Variants in CSMD3 observed in about 807,000 individuals in gnomAD.
The protein encoded by CSMD3 is CUB and Sushi multiple domains 3, also known as CUB and sushi domain-containing protein 3.
A neutral mutation model predicts 435.2 loss-of-function variants in CSMD3; 177 were observed. The observed-to-expected ratio is 0.41, with a 90% CI of 0.36 to 0.46. The LOEUF (loss-of-function observed/expected upper bound fraction) is 0.46, where lower values mean the gene tolerates loss of function less well. Among genes scored for constraint, CSMD3 ranks in the 20% least tolerant of loss-of-function variants. CSMD3 has a pLI of 0.34. For missense variants in CSMD3, 4,265 were observed against 4,504.6 expected (o/e 0.95, Z 1.52); for synonymous variants, 1,656 against 1,520.5 (o/e 1.09, Z -2.07).
intron 31 of CSMD3, among the ~76,000 whole-genome samples, chr8:112,488,978 CT>C (rs1208711442): frequency 6.6e-6 from 1 of 151,854 alleles, no homozygotes; most frequent in African/African-American, 2.4e-5. Context: ...ATATGAGCTA[CT>C]TTTTTATTAT....
intron 3 of CSMD3, among the ~76,000 whole-genome samples, chr8:113,225,283 T>C (rs1354593597): frequency 4.0e-5 from 6 of 151,498 alleles, no homozygotes; most frequent in Non-Finnish European, 7.4e-5. Context: ...TGCACCGTCC[T>C]GAAAATATCC....
At chr8:112,679,063 G>A (rs1011366069) in intron 16 of CSMD3, among the ~76,000 whole-genome samples, 4 of 148,628 alleles carry the variant, frequency 2.7e-5, no homozygotes, top group Non-Finnish European at 5.9e-5. Flanking sequence ...GAAGTTTCAG[G>A]AATGGTGGGG....
intron 53 of CSMD3, among the ~76,000 whole-genome samples, chr8:112,300,916 A>T (rs1485893554): frequency 2.6e-5 from 4 of 152,180 alleles, no homozygotes; most frequent in Non-Finnish European, 5.9e-5. Flanking sequence ...CTTAAACAGT[A>T]ATATTTTAAA....
At chr8:112,690,894 TA>T (rs922231214) in intron 13 of CSMD3, among the ~76,000 whole-genome samples, 4 of 151,772 alleles carry the variant, frequency 2.6e-5, no homozygotes, top group Non-Finnish European at 4.4e-5. Context: ...AAATACAAAT[TA>T]AAAAAATGTA....
At chr8:112,278,879 A>G (rs1818342587) in intron 59 of CSMD3, among the ~76,000 whole-genome samples, 1 of 152,112 alleles carries the variant, frequency 6.6e-6, no homozygotes, top group African/African-American at 2.4e-5. Flanking sequence ...ACCCAATAAC[A>G]ACTGCCCTGT....
intron 27 of CSMD3, chr8:112,539,346 T>G (rs946256742): frequency 1.1e-4 from 17 of 152,110 alleles, no homozygotes; most frequent in African/African-American, 3.9e-4. Flanking sequence ...TTAGTAAAAC[T>G]TGCCAGAGTT....
intron 23 of CSMD3, among the ~76,000 whole-genome samples, chr8:112,585,201 T>C (rs1830629845): frequency 6.6e-6 from 1 of 151,570 alleles, no homozygotes; most frequent in Non-Finnish European, 1.5e-5. Flanking sequence ...AGAATAAATC[T>C]CAGGCAAGCC....
intron 1 of CSMD3, among the ~76,000 whole-genome samples, chr8:113,350,734 C>A (rs2094184602): frequency 6.6e-6 from 1 of 152,036 alleles, no homozygotes; most frequent in South Asian, 2.1e-4. Flanking sequence ...TCACAGCCTA[C>A]CTAATATTCT....
intron 13 of CSMD3, among the ~76,000 whole-genome samples, chr8:112,772,089 T>C (rs1363345678): frequency 6.6e-6 from 1 of 151,722 alleles, no homozygotes; most frequent in East Asian, 1.9e-4. Context: ...AATGACAAAG[T>C]CATATCAGAA....
intron 38 of CSMD3, among the ~76,000 whole-genome samples, chr8:112,361,211 C>T (rs528810038): frequency 4.6e-5 from 7 of 151,764 alleles, no homozygotes; most frequent in Non-Finnish European, 7.4e-5. Context: ...ATGCCGTTGG[C>T]AACCAAAGCT....
chr8:113,130,974 A>C (rs143813191), intron 4 of CSMD3, among the ~76,000 whole-genome samples: 1 of 152,110 alleles, frequency 6.6e-6, no homozygotes, highest in Non-Finnish European at 1.5e-5. Context: ...AATTTGAGAG[A>C]GATGTTTTAG....
chr8:113,182,345 T>C (rs193260252), intron 3 of CSMD3, among the ~76,000 whole-genome samples: 12 of 152,036 alleles, frequency 7.9e-5, no homozygotes, highest in African/African-American at 2.9e-4. Context: ...ATGTCCAAGA[T>C]GTAGTCAAGA....
In CSMD3 at chr8:112,807,243, T is replaced by G. The variant is rs1395616147; in HGVS notation, c.1860-6969A>C. The stretch of plus-strand genomic sequence containing the variant: ...CAAGCCCTGAAATAAATACCTTGTC[T>G]GGGAAATCTGCTGGGCCTCATGTTA... On this transcript the variant is annotated intron_variant, in intron 12 of 70. Coordinates refer to ENST00000297405, the MANE Select transcript of CSMD3 (RefSeq NM_198123.2). 3.3e-5 allele frequency among the ~76,000 whole-genome samples: 5 copies of G among 152,182 alleles called. No homozygotes were observed. The South Asian group carries it at 1.0e-3, about 32-fold the overall frequency.
At chr8:112,900,430 T>C (rs910018802) in intron 10 of CSMD3, among the ~76,000 whole-genome samples, 2 of 151,204 alleles carry the variant, frequency 1.3e-5, no homozygotes, top group African/African-American at 4.8e-5. Flanking sequence ...ATAAAATATT[T>C]GAGTCCTCTA....
chr8:112,821,079 G>A (rs2079517888), intron 12 of CSMD3, among the ~76,000 whole-genome samples: 1 of 152,116 alleles, frequency 6.6e-6, no homozygotes, highest in Non-Finnish European at 1.5e-5. Context: ...TTGGTTCTGT[G>A]TCTTTGCTAT....
intron 9 of CSMD3, among the ~76,000 whole-genome samples, chr8:112,935,153 G>A (rs2083241505): frequency 6.6e-6 from 1 of 152,048 alleles, no homozygotes; most frequent in African/African-American, 2.4e-5. Context: ...ATTGAAGAAA[G>A]TGTCCTTTTC....
At chr8:112,421,311 G>C (rs1812470516) in intron 32 of CSMD3, among the ~76,000 whole-genome samples, 1 of 151,844 alleles carries the variant, frequency 6.6e-6, no homozygotes, top group African/African-American at 2.4e-5. Flanking sequence ...GAGAGGCCTA[G>C]GTGGGAGGAT....
chr8:113,238,694 A>C (rs1382925892), intron 3 of CSMD3, among the ~76,000 whole-genome samples: 1 of 152,176 alleles, frequency 6.6e-6, no homozygotes, highest in Non-Finnish European at 1.5e-5. Context: ...TCAATTTGCA[A>C]AACTATGCCA....
Position 113,314,617 on chromosome 8 carries a change from A to C in CSMD3, c.355T>G (p.Leu119Val). Reference sequence around the variant, plus strand: ...TGAGGATGTCCATCATATAATGATAAGTAGTCGTATTCTTCTTCTAGAGCA... The same window carrying C: ...TGAGGATGTCCATCATATAATGATACGTAGTCGTATTCTTCTTCTAGAGCA... ...SFALEEEYDY[L>V]SLYDGHPHPT... Residue 119 changes from leucine to valine, a missense_variant, in exon 2 of 71, where the codon TTA becomes GTA. By Grantham distance (32) the Leu-to-Val change is conservative. Coordinates refer to ENST00000297405, the MANE Select transcript of CSMD3 (RefSeq NM_198123.2). The C allele has an allele frequency of 6.2e-7, 1 of 1,610,374 alleles. No homozygotes were observed. Among genetic ancestry groups the C allele is most frequent in the Non-Finnish European group, 8.5e-7 (1 of 1,176,790 alleles).
Sources: allele counts gnomAD v4.1 joint callset (sites outside exome capture counted in the v4.1 genomes callset), GRCh38; gene constraint gnomAD v4.1.1; transcripts MANE v1.5; gene names NCBI Gene and HGNC (gene_info 2026-07-23, HGNC 2026-07-21).